The following SIPA1L1 variants were observed in gnomAD, a reference collection of about 807,000 sequenced individuals.
SIPA1L1 encodes the protein signal-induced proliferation-associated 1-like protein 1.
A neutral mutation model predicts 162.7 loss-of-function variants in SIPA1L1; 26 were observed. The observed-to-expected ratio is 0.16, with a 90% CI of 0.12 to 0.22. SIPA1L1 has a LOEUF of 0.22. SIPA1L1 is among the 10% of genes least tolerant of loss of function. SIPA1L1 has a pLI of 1.00. For synonymous variants in SIPA1L1, 829 were observed against 837.4 expected (o/e 0.99, Z 0.17); for missense variants, 1,874 against 2,241.0 (o/e 0.84, Z 3.31).
chr14:71,695,974 T>C (rs2081594950), intron 13 of SIPA1L1, among the ~76,000 whole-genome samples: 1 of 152,206 alleles, frequency 6.6e-6, no homozygotes, highest in African/African-American at 2.4e-5. Context: ...TTTAGAATAA[T>C]AATGAGAAAT....
chr14:71,418,615 G>A (rs747799480), intron 2 of SIPA1L1, among the ~76,000 whole-genome samples: 17 of 152,204 alleles, frequency 1.1e-4, no homozygotes, highest in Admixed American at 2.0e-4. Context: ...GCATTTGCCA[G>A]TTGATCATGA....
At chr14:71,353,009 G>A (rs947305040) in intron 2 of SIPA1L1, among the ~76,000 whole-genome samples, 3 of 152,176 alleles carry the variant, frequency 2.0e-5, no homozygotes, top group Non-Finnish European at 4.4e-5. Flanking sequence ...TCATTGTGTT[G>A]TGGTTAAATG....
At chr14:71,573,968 A>T (rs898347255) in intron 4 of SIPA1L1, 4 of 294,976 alleles carry the variant, frequency 1.4e-5, no homozygotes, top group Non-Finnish European at 2.6e-5. Flanking sequence ...AACTGCAGTG[A>T]TGCCAGAAAG....
chr14:71,701,309 A>G (rs567206362), intron 14 of SIPA1L1, among the ~76,000 whole-genome samples: 1 of 151,996 alleles, frequency 6.6e-6, no homozygotes, highest in Non-Finnish European at 1.5e-5. Flanking sequence ...CAGTTCATCC[A>G]GGCCCATCTC....
At chr14:71,392,200 G>A (rs1431589816) in intron 2 of SIPA1L1, among the ~76,000 whole-genome samples, 2 of 152,200 alleles carry the variant, frequency 1.3e-5, no homozygotes, top group Non-Finnish European at 1.5e-5. Flanking sequence ...GCAGGCAGAT[G>A]CTTCAGGAGT....
chr14:71,510,414 A>G (rs540295958), intron 2 of SIPA1L1, among the ~76,000 whole-genome samples: 37 of 151,742 alleles, frequency 2.4e-4, no homozygotes, highest in Non-Finnish European at 5.2e-4. Context: ...TCTCAAACTC[A>G]TGACCTCAGG....
intron 2 of SIPA1L1, among the ~76,000 whole-genome samples, chr14:71,390,669 C>T (rs1279340415): frequency 6.6e-6 from 1 of 152,028 alleles, no homozygotes; most frequent in African/African-American, 2.4e-5. Flanking sequence ...CCTGTGGTTC[C>T]AGCTACTCGG....
At chr14:71,573,077 G>T (rs983633813) in intron 4 of SIPA1L1, among the ~76,000 whole-genome samples, 2 of 152,184 alleles carry the variant, frequency 1.3e-5, no homozygotes, top group African/African-American at 4.8e-5. Context: ...AATAGTGAGG[G>T]AAACAGTGCT....
intron 2 of SIPA1L1, among the ~76,000 whole-genome samples, chr14:71,463,647 C>G (rs938216735): frequency 1.3e-5 from 2 of 152,136 alleles, no homozygotes; most frequent in Non-Finnish European, 2.9e-5. Flanking sequence ...ACCCGGCCTC[C>G]CCTTCATTCA....
chr14:71,591,364 A>T (rs1047142080), intron 5 of SIPA1L1, among the ~76,000 whole-genome samples: 9 of 152,156 alleles, frequency 5.9e-5, no homozygotes, highest in Admixed American at 2.6e-4. Flanking sequence ...AGGCTGTCTG[A>T]ACAGAGTCAT....
chr14:71,438,477 T>C (rs527402107), intron 2 of SIPA1L1, among the ~76,000 whole-genome samples: 41 of 152,330 alleles, frequency 2.7e-4, no homozygotes, highest in African/African-American at 9.9e-4. Flanking sequence ...TTGTTCTTCG[T>C]TCCTTTTTCA....
At chr14:71,678,062 A>C (rs1267652928) in intron 12 of SIPA1L1, among the ~76,000 whole-genome samples, 1 of 152,110 alleles carries the variant, frequency 6.6e-6, no homozygotes, top group African/African-American at 2.4e-5. Flanking sequence ...GGGTTTTCTA[A>C]ATATACAATC....
At chr14:71,732,995 G>A (rs947118620) in intron 20 of SIPA1L1, among the ~76,000 whole-genome samples, 1 of 152,146 alleles carries the variant, frequency 6.6e-6, no homozygotes, top group Non-Finnish European at 1.5e-5. Flanking sequence ...GGCGGATTAC[G>A]AGGTCAGGAG....
chr14:71,674,315 C>T (rs145039576), intron 12 of SIPA1L1, among the ~76,000 whole-genome samples: 2 of 152,006 alleles, frequency 1.3e-5, no homozygotes, highest in African/African-American at 4.8e-5. Context: ...GTACAGACAT[C>T]GAAATTGGAA....
rs759480724 is a variant in SIPA1L1, at chr14:71,589,207, C to G, written c.1335C>G (p.Ala445=). ...GCTCCTTTAGTGGATGTGAAAGTGC[C>G]TCCTTTGAGTCTACCCTTAGTTCCC... ...NSGSFSGCES[A]SFESTLSSHC... Residue 445 remains alanine (A), a synonymous_variant, in exon 5 of 24, where the codon GCC becomes GCG. Coordinates refer to ENST00000381232, the MANE Select transcript of SIPA1L1 (RefSeq NM_001386936.1). 6.2e-7 allele frequency: 1 copy of G among 1,614,106 alleles called. No individual in the cohort carries two copies. The highest frequency in any genetic ancestry group is 1.1e-5 in the South Asian group (1 of 91,086).
At chr14:71,420,121 A>G (rs1407114425) in intron 2 of SIPA1L1, among the ~76,000 whole-genome samples, 1 of 152,208 alleles carries the variant, frequency 6.6e-6, no homozygotes, top group African/African-American at 2.4e-5. Context: ...TGGAAAAGTT[A>G]ATTAAGCAAA....
intron 2 of SIPA1L1, among the ~76,000 whole-genome samples, chr14:71,438,411 A>G (rs1416361041): frequency 1.3e-5 from 2 of 152,204 alleles, no homozygotes; most frequent in Admixed American, 1.3e-4. Flanking sequence ...ACCAGCCCAC[A>G]TAATGAATCC....
intron 2 of SIPA1L1, among the ~76,000 whole-genome samples, chr14:71,419,214 C>T (rs898668751): frequency 7.3e-5 from 11 of 151,036 alleles, no homozygotes; most frequent in Admixed American, 4.6e-4. Context: ...GTAGAGCTAA[C>T]GGACTTTGTT....
chr14:71,596,659 C>T (rs568373146), intron 5 of SIPA1L1, among the ~76,000 whole-genome samples: 8 of 152,294 alleles, frequency 5.3e-5, no homozygotes, highest in African/African-American at 1.7e-4. Context: ...TAGAGATACA[C>T]CTCTGCCTTC....
Sources: allele counts gnomAD v4.1 joint callset (sites outside exome capture counted in the v4.1 genomes callset), GRCh38; gene constraint gnomAD v4.1.1; transcripts MANE v1.5; gene names NCBI Gene and HGNC (gene_info 2026-07-23, HGNC 2026-07-21).